The following CHST11 variants were observed in gnomAD, a reference collection of about 807,000 sequenced individuals.
The protein encoded by CHST11 is carbohydrate sulfotransferase 11.
In CHST11, 9 loss-of-function variants were observed where a neutral mutation model predicts 30.4. The ratio of observed to expected loss-of-function variants is 0.30; its 90% confidence interval spans 0.18 to 0.52. The LOEUF (loss-of-function observed/expected upper bound fraction) is 0.52, where lower values mean the gene tolerates loss of function less well. Among genes scored for constraint, CHST11 ranks in the 20% least tolerant of loss-of-function variants. The pLI is 0.97. For synonymous variants in CHST11, 152 were observed against 187.8 expected (o/e 0.81, Z 1.56); for missense variants, 348 against 460.6 (o/e 0.76, Z 2.24).
intron 1 of CHST11, among the ~76,000 whole-genome samples, chr12:104,497,365 G>A (rs1018894825): frequency 3.9e-5 from 6 of 152,188 alleles, no homozygotes; most frequent in African/African-American, 1.2e-4. Flanking sequence ...GGGAGGACAC[G>A]GCAAGATGGT....
intron 1 of CHST11, among the ~76,000 whole-genome samples, chr12:104,502,109 G>C (rs2037858561): frequency 6.6e-6 from 1 of 151,782 alleles, no homozygotes; most frequent in Non-Finnish European, 1.5e-5. Context: ...GCTCACTGCA[G>C]CTTGAACTGC....
intron 1 of CHST11, among the ~76,000 whole-genome samples, chr12:104,516,366 T>G (rs2038022243): frequency 6.6e-6 from 1 of 152,290 alleles, no homozygotes; most frequent in Admixed American, 6.5e-5. Context: ...AGTATACGAT[T>G]TATGTGATTG....
At chr12:104,527,274 T>A (rs1224670191) in intron 1 of CHST11, among the ~76,000 whole-genome samples, 2 of 152,180 alleles carry the variant, frequency 1.3e-5, no homozygotes, top group African/African-American at 4.8e-5. Context: ...AATAACTTTG[T>A]TGTTTAGGCC....
At chr12:104,748,596 G>C (rs530711071) in intron 2 of CHST11, among the ~76,000 whole-genome samples, 1 of 152,098 alleles carries the variant, frequency 6.6e-6, no homozygotes, top group South Asian at 2.1e-4. Context: ...AGTGGAGTCG[G>C]GGGAGAGATG....
intron 2 of CHST11, among the ~76,000 whole-genome samples, chr12:104,751,258 T>C (rs2040429406): frequency 6.6e-6 from 1 of 152,190 alleles, no homozygotes. Flanking sequence ...GGGAGGGTGA[T>C]GAGGGGGAGA....
chr12:104,695,660 T>G (rs550222882), intron 2 of CHST11, among the ~76,000 whole-genome samples: 1 of 152,210 alleles, frequency 6.6e-6, no homozygotes, highest in Non-Finnish European at 1.5e-5. Context: ...CCACCCAGCA[T>G]GTGCCTTAGC....
chr12:104,478,893 T>C (rs2037590524), intron 1 of CHST11, among the ~76,000 whole-genome samples: 1 of 152,070 alleles, frequency 6.6e-6, no homozygotes, highest in South Asian at 2.1e-4. Flanking sequence ...TCTTAACACA[T>C]AGTGGGAGAG....
At chr12:104,671,627 G>T (rs2039698469) in intron 2 of CHST11, among the ~76,000 whole-genome samples, 1 of 152,300 alleles carries the variant, frequency 6.6e-6, no homozygotes, top group African/African-American at 2.4e-5. Context: ...TGTGAGCAAA[G>T]CCACTGTTTA....
At chr12:104,736,166 C>T (rs749440617) in intron 2 of CHST11, among the ~76,000 whole-genome samples, 22 of 152,174 alleles carry the variant, frequency 1.4e-4, no homozygotes, top group Non-Finnish European at 7.4e-5. Context: ...GCATGCTTCT[C>T]GCCTCTGGTA....
At position 104,634,694 on chromosome 12, in the gene CHST11, G is replaced by T. The variant is rs150486557; in HGVS notation, c.204+32703G>T. 1.5e-3 allele frequency among the ~76,000 whole-genome samples: 224 copies of T among 152,320 alleles called. 2 individuals carry two copies. Among genetic ancestry groups the T allele is most frequent in the African/African-American group, 5.0e-3 (207 of 41,558 alleles). On this transcript the variant is annotated intron_variant, in intron 2 of 2. Coordinates refer to ENST00000303694, the MANE Select transcript of CHST11 (RefSeq NM_018413.6). ...ACTTGCCCTGAGGCACCTCTTCTAG[G>T]TGTCAAGAGGGGTCTTCCCTGTTTG...
At position 104,462,864 on chromosome 12, in the gene CHST11, A is replaced by G. The variant is rs749384549; in HGVS notation, c.118+5335A>G. Among the ~76,000 whole-genome samples, 61 of 152,282 alleles carry G rather than the reference A, an allele frequency of 4.0e-4. No individual in the cohort carries two copies. In the Middle Eastern group the frequency reaches 0.02, roughly 51 times the overall value. ...TTAAATGTTTGCACCTCGATGGAGCATTTTCATTGCTGTGCTCAGATGAGA... is the reference window on the plus strand; with the variant it reads ...TTAAATGTTTGCACCTCGATGGAGCGTTTTCATTGCTGTGCTCAGATGAGA... On this transcript the variant is annotated intron_variant, in intron 1 of 2. Transcript: ENST00000303694.
In CHST11 at chr12:104,757,415, C is replaced by T. The variant is rs755609952; in HGVS notation, c.671C>T (p.Ala224Val). ...TKIIKRQRKN[A>V]TQEALRKGDD... ...ATCATCAAACGCCAGCGGAAGAACG[C>T]CACCCAGGAGGCCCTGCGCAAAGGG... is the stretch of plus-strand genomic sequence containing the variant. Residue 224 changes from alanine (A) to valine (V), a missense_variant, in exon 3 of 3, where the codon GCC becomes GTC. Coordinates refer to ENST00000303694, the MANE Select transcript of CHST11 (RefSeq NM_018413.6). This position sits in a 1 kb window ranked among gnomAD's most constrained non-coding sequence, Gnocchi z 6.5. 6.2e-7 allele frequency: 1 copy of T among 1,614,120 alleles called. No individual in the cohort carries two copies. Among genetic ancestry groups the T allele is most frequent in the Non-Finnish European group, 8.5e-7 (1 of 1,180,018 alleles).
intron 2 of CHST11, among the ~76,000 whole-genome samples, chr12:104,686,133 T>C: frequency 6.8e-6 from 1 of 147,932 alleles, no homozygotes; most frequent in Non-Finnish European, 1.5e-5. Context: ...CTCAGAAGCC[T>C]GAGGCAGGAG....
intron 1 of CHST11, among the ~76,000 whole-genome samples, chr12:104,589,934 GGGA>G (rs1317482943): frequency 6.6e-6 from 1 of 152,090 alleles, no homozygotes; most frequent in Non-Finnish European, 1.5e-5. Flanking sequence ...GCTTGAATCC[GGGA>G]GGAGGAGGCT....
At chr12:104,661,049 G>T (rs117476504) in intron 2 of CHST11, among the ~76,000 whole-genome samples, 2 of 152,196 alleles carry the variant, frequency 1.3e-5, no homozygotes, top group East Asian at 3.8e-4. Flanking sequence ...CCTGGGAAGG[G>T]TGATGTAGCT....
At chr12:104,603,239 G>T (rs1477081169) in intron 2 of CHST11, among the ~76,000 whole-genome samples, 1 of 152,216 alleles carries the variant, frequency 6.6e-6, no homozygotes, top group Non-Finnish European at 1.5e-5. Flanking sequence ...TTCAACAAAG[G>T]ATAGGATTTC....
intron 1 of CHST11, among the ~76,000 whole-genome samples, chr12:104,513,138 T>TGGGGGGGGGGGGGGGGGGGGG (rs1565969843): frequency 3.0e-4 from 1 of 3,338 alleles, no homozygotes; most frequent in Admixed American, 3.7e-3. Flanking sequence ...GGGGGGGGGG[T>TGGGGGGGGGGGGGGGGGGGGG]TGGGGGTGGG....
chr12:104,673,116 G>C (rs1390854343), intron 2 of CHST11, among the ~76,000 whole-genome samples: 1 of 152,102 alleles, frequency 6.6e-6, no homozygotes, highest in Non-Finnish European at 1.5e-5. Context: ...ACACGTTGCT[G>C]CCCCCTCTTC....
At chr12:104,700,979 A>G (rs2039986937) in intron 2 of CHST11, among the ~76,000 whole-genome samples, 1 of 152,240 alleles carries the variant, frequency 6.6e-6, no homozygotes, top group Admixed American at 6.5e-5. Flanking sequence ...ATGGTGGTGC[A>G]CACCTGTAGT....
Sources: allele counts gnomAD v4.1 joint callset (sites outside exome capture counted in the v4.1 genomes callset), GRCh38; gene constraint gnomAD v4.1.1; non-coding constraint Gnocchi (gnomAD v3.1); transcripts MANE v1.5; gene names NCBI Gene and HGNC (gene_info 2026-07-23, HGNC 2026-07-21).